SIM1: variants seen among roughly 807,000 people sequenced by gnomAD.
SIM1 encodes the protein single-minded homolog 1.
In SIM1, 18 loss-of-function variants were observed where a neutral mutation model predicts 78.2. That is an observed-to-expected ratio of 0.23 (90% CI 0.16 to 0.34). The LOEUF (loss-of-function observed/expected upper bound fraction) is 0.34. Among genes scored for constraint, SIM1 ranks in the 10% least tolerant of loss-of-function variants. SIM1 has a pLI of 1.00. For missense variants in SIM1, 939 were observed against 975.1 expected (o/e 0.96, Z 0.49); for synonymous variants, 417 against 385.2 (o/e 1.08, Z -0.97).
rs191377442 is a variant in SIM1, at chr6:100,455,405, G to A, written c.176-1561C>T. 9.3e-3 allele frequency among the ~76,000 whole-genome samples: 1,415 copies of A among 151,752 alleles called. 24 individuals are homozygous for A. The highest frequency in any genetic ancestry group is 0.033 in the African/African-American group (1,353 of 41,452). ...GGTCCTCCTGGACCGTTCTGGAAGG[G>A]CCCCCGCCACAGCCACCTGTACACA... is the stretch of plus-strand genomic sequence containing the variant. On this transcript the variant is annotated intron_variant, in intron 2 of 11. Transcript: ENST00000369208.
chr6:100,433,971 C>T (rs1318922433), intron 9 of SIM1, among the ~76,000 whole-genome samples: 1 of 152,024 alleles, frequency 6.6e-6, no homozygotes, highest in African/African-American at 2.4e-5. Flanking sequence ...CTTACCGTTA[C>T]CTTAATTACA....
intron 10 of SIM1, among the ~76,000 whole-genome samples, chr6:100,409,573 T>G (rs1386408212): frequency 1.3e-5 from 2 of 152,148 alleles, no homozygotes; most frequent in African/African-American, 4.8e-5. Context: ...TCCTTCCTTC[T>G]GCTAAACTTC....
intron 2 of SIM1, among the ~76,000 whole-genome samples, chr6:100,461,988 G>GAACT (rs947163786): frequency 6.6e-6 from 1 of 151,894 alleles, no homozygotes; most frequent in African/African-American, 2.4e-5. Context: ...AGGTAGAACT[G>GAACT]AACTATAATT....
At chr6:100,412,751 GAAAA>G (rs1273434988) in intron 10 of SIM1, among the ~76,000 whole-genome samples, 17 of 138,386 alleles carry the variant, frequency 1.2e-4, no homozygotes, top group East Asian at 4.4e-4. Context: ...AAGAAAGAAA[GAAAA>G]AAGAAAAGAA....
chr6:100,428,060 G>A (rs559984292), intron 9 of SIM1, among the ~76,000 whole-genome samples: 1 of 152,294 alleles, frequency 6.6e-6, no homozygotes, highest in Non-Finnish European at 1.5e-5. Flanking sequence ...TACTAAGTAA[G>A]TGAGTTTATG....
chr6:100,414,048 C>T (rs148845835), intron 10 of SIM1, among the ~76,000 whole-genome samples: 1 of 152,286 alleles, frequency 6.6e-6, no homozygotes, highest in African/African-American at 2.4e-5. Flanking sequence ...GATAGAAAAA[C>T]AGGATAGTGA....
At chr6:100,463,264 T>C in intron 2 of SIM1, 30 bp downstream of exon 2, 1 of 1,583,728 alleles carries the variant, frequency 6.3e-7, no homozygotes, top group Non-Finnish European at 8.6e-7. Flanking sequence ...CCTTCTGCCT[T>C]TGAAATTCCA....
chr6:100,457,809 G>C (rs1772711763), intron 2 of SIM1, among the ~76,000 whole-genome samples: 1 of 152,132 alleles, frequency 6.6e-6, no homozygotes, highest in Non-Finnish European at 1.5e-5. Flanking sequence ...TGAGGGCATC[G>C]GCGAGCGCGC....
chr6:100,448,905 G>A (rs990199590), intron 6 of SIM1, among the ~76,000 whole-genome samples: 1 of 152,144 alleles, frequency 6.6e-6, no homozygotes, highest in Non-Finnish European at 1.5e-5. Flanking sequence ...CAGAAGCCTG[G>A]CCCCACCAAC....
chr6:100,453,318 T>C (rs1163892510), intron 3 of SIM1, among the ~76,000 whole-genome samples: 1 of 152,196 alleles, frequency 6.6e-6, no homozygotes, highest in Admixed American at 6.5e-5. Context: ...GTAGCTGAAT[T>C]GGAAAGACGT....
At chr6:100,395,135 T>A (rs1284210518) in intron 10 of SIM1, among the ~76,000 whole-genome samples, 1 of 152,134 alleles carries the variant, frequency 6.6e-6, no homozygotes, top group Non-Finnish European at 1.5e-5. Flanking sequence ...AATATAACAA[T>A]AATTTTTACC....
chr6:100,464,780 C>A lies in SIM1; in HGVS notation c.-634G>T, dbSNP rs950509979. 47 of 152,366 alleles carry A rather than the reference C, an allele frequency of 3.1e-4. No homozygotes were observed. The highest frequency in any genetic ancestry group is 1.1e-3 in the African/African-American group (45 of 41,548). The allele number at this position is 152,366 out of a possible 1,614,324, so 9.4% of individuals were successfully genotyped here. ...TGGATCATGAATTGGAGGAGGGGTG[C>A]GTGGCAGAAAGAGGAGGATGCAAGC... On this transcript the variant is annotated 5_prime_UTR_variant, in exon 1 of 12. Coordinates refer to ENST00000369208, the MANE Select transcript of SIM1 (RefSeq NM_005068.3).
intron 9 of SIM1, among the ~76,000 whole-genome samples, chr6:100,434,099 G>A (rs868569008): frequency 6.6e-6 from 1 of 152,226 alleles, no homozygotes; most frequent in Non-Finnish European, 1.5e-5. Flanking sequence ...GCCATGTAAC[G>A]TCTGTAAATA....
chr6:100,400,677 G>A (rs1770893210), intron 10 of SIM1, among the ~76,000 whole-genome samples: 1 of 152,010 alleles, frequency 6.6e-6, no homozygotes, highest in Admixed American at 6.6e-5. Flanking sequence ...AAAAACTTAA[G>A]CAAAAGTAAA....
At chr6:100,425,443 C>G (rs1459327661) in intron 9 of SIM1, among the ~76,000 whole-genome samples, 1 of 152,136 alleles carries the variant, frequency 6.6e-6, no homozygotes, top group Non-Finnish European at 1.5e-5. Context: ...CTCACAGTCA[C>G]TCTGAGAGGA....
chr6:100,412,760 AAAG>A (rs746790667), intron 10 of SIM1, among the ~76,000 whole-genome samples: 1 of 120,024 alleles, frequency 8.3e-6, no homozygotes, highest in Non-Finnish European at 1.9e-5. Context: ...AGAAAAAAGA[AAAG>A]AAAAAGAAAG....
chr6:100,450,138 T>G, intron 4 of SIM1, 129 bp downstream of exon 4: 1 of 750,720 alleles, frequency 1.3e-6, no homozygotes, highest in Non-Finnish European at 2.3e-6. Flanking sequence ...TTAAGAGTCT[T>G]CCTGCTAGCT....
intron 10 of SIM1, among the ~76,000 whole-genome samples, chr6:100,401,878 T>A (rs998023820): frequency 6.6e-6 from 1 of 152,248 alleles, no homozygotes; most frequent in Non-Finnish European, 1.5e-5. Flanking sequence ...TTTTTATTTC[T>A]GACTGTTAAT....
At chr6:100,440,086 A>G (rs2114529769) in intron 9 of SIM1, among the ~76,000 whole-genome samples, 2 of 152,360 alleles carry the variant, frequency 1.3e-5, no homozygotes, top group Middle Eastern at 6.8e-3. Context: ...ATTTTAGTTG[A>G]CATTACATAA....
Sources: allele counts gnomAD v4.1 joint callset (sites outside exome capture counted in the v4.1 genomes callset), GRCh38; gene constraint gnomAD v4.1.1; transcripts MANE v1.5; gene names NCBI Gene and HGNC (gene_info 2026-07-23, HGNC 2026-07-21).